The following PEX14 variants were observed in gnomAD, a reference collection of about 807,000 sequenced individuals.
The protein encoded by PEX14 is peroxisomal membrane protein PEX14.
A neutral mutation model predicts 49.5 loss-of-function variants in PEX14; 15 were observed. The ratio of observed to expected loss-of-function variants is 0.30; its 90% CI spans 0.20 to 0.47. PEX14 has a LOEUF of 0.47. Ranked by LOEUF, PEX14 falls within the 20% of genes least tolerant of loss-of-function variation. PEX14 has a pLI of 1.00. For missense variants in PEX14, 398 were observed against 494.8 expected (o/e 0.80, Z 1.86); for synonymous variants, 210 against 212.7 (o/e 0.99, Z 0.11).
intron 1 of PEX14, among the ~76,000 whole-genome samples, chr1:10,490,598 T>G (rs1487568611): frequency 6.6e-6 from 1 of 152,156 alleles, no homozygotes; most frequent in Non-Finnish European, 1.5e-5. Flanking sequence ...CTTTCTTCTC[T>G]TCCTGCTCTC....
intron 2 of PEX14, among the ~76,000 whole-genome samples, chr1:10,533,342 A>G (rs1227764181): frequency 2.6e-5 from 4 of 152,206 alleles, no homozygotes; most frequent in Admixed American, 2.6e-4. Context: ...GTTTGGCAGT[A>G]TTATTTTATA....
chr1:10,524,716 C>T (rs761042821), intron 2 of PEX14, among the ~76,000 whole-genome samples: 7 of 151,800 alleles, frequency 4.6e-5, no homozygotes, highest in Non-Finnish European at 8.8e-5. Context: ...TTTTTAGAGA[C>T]GGGGTCTCAC....
At chr1:10,577,396 C>CA (rs1183146936) in intron 3 of PEX14, among the ~76,000 whole-genome samples, 126 of 9,498 alleles carry the variant, frequency 0.013, 2 homozygotes, top group African/African-American at 0.014. Flanking sequence ...TACTCTGTCT[C>CA]AAAAAAAAAA....
chr1:10,598,418 C>A (rs1202924887), intron 3 of PEX14, among the ~76,000 whole-genome samples: 1 of 152,240 alleles, frequency 6.6e-6, no homozygotes, highest in Admixed American at 6.5e-5. Context: ...GCTGTGTCCC[C>A]ACTGGAAATG....
chr1:10,502,060 C>T (rs996048471), intron 2 of PEX14, among the ~76,000 whole-genome samples: 8 of 152,116 alleles, frequency 5.3e-5, no homozygotes, highest in East Asian at 3.9e-4. Context: ...GATGGGCTCA[C>T]GGTGCACTTC....
rs906449666 is a variant in PEX14 at position 10,532,352 on chromosome 1, T to G, written c.85-3861T>G. ...TGGAATTGGTGGTGGCAGGGTTGTT[T>G]TATTTTGCTTTGGGTGGAGAAGGGG... On this transcript the variant is annotated intron_variant, in intron 2 of 8. Transcript: ENST00000356607. Among the ~76,000 whole-genome samples the G allele has an allele frequency of 2.6e-5, 4 of 152,016 alleles. No individual in the cohort carries two copies. The South Asian group carries it at 8.3e-4, about 31-fold the overall frequency.
intron 4 of PEX14, among the ~76,000 whole-genome samples, chr1:10,604,923 G>C (rs1641086597): frequency 6.6e-6 from 1 of 152,140 alleles, no homozygotes; most frequent in Non-Finnish European, 1.5e-5. Context: ...AGCCTGTAGT[G>C]CCTACCCTGT....
At chr1:10,504,152 C>T (rs967833244) in intron 2 of PEX14, among the ~76,000 whole-genome samples, 4 of 152,154 alleles carry the variant, frequency 2.6e-5, no homozygotes, top group Non-Finnish European at 4.4e-5. Context: ...TGTGAGAAAC[C>T]GCAGGAAGAT....
At chr1:10,591,047 T>C (rs1640648326) in intron 3 of PEX14, among the ~76,000 whole-genome samples, 1 of 152,246 alleles carries the variant, frequency 6.6e-6, no homozygotes, top group South Asian at 2.1e-4. Flanking sequence ...TTGTGTCTTA[T>C]AGTGGAGTTG....
At position 10,629,174 on chromosome 1, in the gene PEX14, C is replaced by T. The variant is rs1214209504; in HGVS notation, c.678-357C>T. ...CTCACCAACCTGTCTCTCTCCTGGC[C>T]ACTGGGTTGGAGGCAGGGATGGTGC... On this transcript the variant is annotated intron_variant, in intron 8 of 8. Transcript: ENST00000356607. This position sits in a 1 kb window ranked among gnomAD's most constrained non-coding sequence, Gnocchi z 8.5. 3.3e-5 allele frequency among the ~76,000 whole-genome samples: 5 copies of T among 152,198 alleles called. No individual in the cohort carries two copies. The highest frequency in any genetic ancestry group is 1.2e-4 in the African/African-American group (5 of 41,450).
intron 4 of PEX14, among the ~76,000 whole-genome samples, chr1:10,612,663 G>A (rs763061210): frequency 2.0e-5 from 3 of 151,992 alleles, no homozygotes; most frequent in Non-Finnish European, 4.4e-5. Flanking sequence ...GGCCCACCCC[G>A]CCCCCAAGCT....
chr1:10,480,208 T>G (rs536203679), intron 1 of PEX14, among the ~76,000 whole-genome samples: 21 of 151,434 alleles, frequency 1.4e-4, no homozygotes, highest in East Asian at 5.8e-4. Context: ...ATGTTTTTTT[T>G]TTTTGTTTTG....
intron 3 of PEX14, among the ~76,000 whole-genome samples, chr1:10,549,780 A>G (rs1313086071): frequency 6.6e-6 from 1 of 152,238 alleles, no homozygotes; most frequent in African/African-American, 2.4e-5. Flanking sequence ...AAAACGTTTC[A>G]GATTTTGGAT....
Position 10,627,616 on chromosome 1 carries a change from C to G in PEX14, c.677+253C>G, listed in dbSNP as rs539522157. Among the ~76,000 whole-genome samples, 12 of 152,372 alleles carry G rather than the reference C, an allele frequency of 7.9e-5. No homozygotes were observed. The South Asian group carries it at 2.5e-3, about 32-fold the overall frequency. On this transcript the variant is annotated intron_variant, in intron 8 of 8. Coordinates refer to ENST00000356607, the MANE Select transcript of PEX14 (RefSeq NM_004565.3). ...GTTCCCAGGCCTGTGAAGACCTGGT[C>G]AGGGACAGCTTGAGCCAAAAAGCAG...
chr1:10,570,848 GT>G (rs70997255), intron 3 of PEX14, among the ~76,000 whole-genome samples: 5,343 of 113,792 alleles, frequency 0.047, 310 homozygotes, highest in African/African-American at 0.13. Flanking sequence ...TGTCAACAGG[GT>G]TTTTTTTTTT....
intron 3 of PEX14, among the ~76,000 whole-genome samples, chr1:10,545,488 G>A (rs562861786): frequency 6.6e-6 from 1 of 152,300 alleles, no homozygotes; most frequent in Admixed American, 6.5e-5. Context: ...TGGAGAATAG[G>A]AAGATGAAGG....
In PEX14 at chr1:10,546,864, A is replaced by G. The variant is rs544099859; in HGVS notation, c.169+10567A>G. On this transcript the variant is annotated intron_variant, in intron 3 of 8. Transcript: ENST00000356607. ...AGCCTGGGTGACAGAGTGAGACTCC[A>G]TCTCAAAAAAAAACAAAAAACGAAC... Among the ~76,000 whole-genome samples, 294 of 152,018 alleles carry G rather than the reference A, an allele frequency of 1.9e-3. 2 individuals carry two copies. Among genetic ancestry groups the G allele is most frequent in the Non-Finnish European group, 3.1e-3 (212 of 67,960 alleles).
At chr1:10,479,458 C>T (rs768997583) in intron 1 of PEX14, among the ~76,000 whole-genome samples, 42 of 152,288 alleles carry the variant, frequency 2.8e-4, no homozygotes, top group Admixed American at 9.2e-4. Flanking sequence ...TGGCTGATCT[C>T]TCATTGAAGT....
In PEX14 at chr1:10,599,351, A is replaced by T; in HGVS notation, c.283A>T (p.Ile95Leu). Residue 95 changes from isoleucine (I) to leucine (L), a missense_variant, in exon 4 of 9, where the codon ATA becomes TTA. Physicochemically the swap from Ile to Leu is conservative, Grantham distance 5. This residue lies in a region of PEX14 where 202 missense variants were observed against 298.5 expected (regional missense o/e 0.68). Transcript: ENST00000356607. The part of the protein sequence containing the change: ...QVVPVQPPHL[I>L]SQPYSPAGSR... ...GGTTCCTGTCCAGCCCCCTCACCTC[A>T]TATCTCAGCCATACAGTAAGTCACC... 1 of 1,614,106 alleles carries T rather than the reference A, an allele frequency of 6.2e-7. No homozygotes were observed.
Sources: gnomAD v4.1 joint callset for allele counts (sites outside exome capture counted in the v4.1 genomes callset) on GRCh38, gnomAD v4.1.1 for gene constraint, gnomAD v4.1.1 regional missense constraint, Gnocchi (gnomAD v3.1) non-coding constraint, MANE v1.5 for transcripts, NCBI Gene and HGNC (gene_info 2026-07-23, HGNC 2026-07-21) for gene names.